The following NEDD4L variants were observed in gnomAD, a reference collection of about 807,000 sequenced individuals.
The protein encoded by NEDD4L is NEDD4 like E3 ubiquitin protein ligase, also known as E3 ubiquitin-protein ligase NEDD4-like.
NEDD4L carries 54 observed loss-of-function variants against 148.9 expected under a neutral mutation model. The observed-to-expected ratio is 0.36, with a 90% confidence interval of 0.29 to 0.45. NEDD4L has a LOEUF of 0.45. Among genes scored for constraint, NEDD4L ranks in the 20% least tolerant of loss-of-function variants. The pLI, the probability that NEDD4L is intolerant of heterozygous loss-of-function variation, is 1.00. For missense variants in NEDD4L, 856 were observed against 1,233.8 expected, an observed-to-expected ratio of 0.69 and a Z score of 4.59; for synonymous variants, 433 against 440.7, an observed-to-expected ratio of 0.98 and a Z score of 0.22.
chr18:58,345,916 G>A (rs1458188757), intron 16 of NEDD4L, among the ~76,000 whole-genome samples: 1 of 72,256 alleles, frequency 1.4e-5, no homozygotes, highest in Non-Finnish European at 2.8e-5. Context: ...AATTTTTGTT[G>A]TTTTTTGTTT....
Position 58,169,677 on chromosome 18 carries a change from A to T in NEDD4L, c.122+3816A>T, listed in dbSNP as rs114886773. 6.6e-3 allele frequency among the ~76,000 whole-genome samples: 1,001 copies of T among 152,360 alleles called. 13 individuals are homozygous for T. Among genetic ancestry groups the T allele is most frequent in the African/African-American group, 0.023 (944 of 41,594 alleles). On this transcript the variant is annotated intron_variant, in intron 2 of 30. Transcript: ENST00000400345. Reference sequence around the variant, plus strand: ...CTCAAAACGCCCACGTGGGGCGGCCACAGCTCACCCTTGTGTGCCTGTGTC... The same window carrying T: ...CTCAAAACGCCCACGTGGGGCGGCCTCAGCTCACCCTTGTGTGCCTGTGTC...
In NEDD4L at chr18:58,282,028, A is replaced by C. The variant is rs139131702; in HGVS notation, c.297+29974A>C. On this transcript the variant is annotated intron_variant, in intron 5 of 30. Transcript: ENST00000400345. Reference sequence around the variant, plus strand: ...CGACAGAGTGAGACTCCGTCTCACAAAAAAAAAAAGCAAACAAAATAACTA... The same window carrying C: ...CGACAGAGTGAGACTCCGTCTCACACAAAAAAAAAGCAAACAAAATAACTA... Among the ~76,000 whole-genome samples the C allele has an allele frequency of 1.6e-3, 244 of 149,168 alleles. 2 individuals are homozygous for C. Among genetic ancestry groups the C allele is most frequent in the African/African-American group, 5.6e-3 (228 of 40,882 alleles).
intron 1 of NEDD4L, 109 bp from the exon 2 acceptor site, chr18:58,165,679 T>A: frequency 1.2e-5 from 18 of 1,520,012 alleles, no homozygotes; most frequent in Non-Finnish European, 1.5e-5. Context: ...TGATTTGTTC[T>A]GTATCCCAAT....
rs144463485 is a variant in NEDD4L, at chr18:58,229,105, TC to T, written c.123-16319del. Among the ~76,000 whole-genome samples, 726 of 152,314 alleles carry T rather than the reference TC, an allele frequency of 4.8e-3. 4 individuals carry two copies. Among genetic ancestry groups the T allele is most frequent in the African/African-American group, 0.015 (622 of 41,568 alleles). On this transcript the variant is annotated intron_variant, in intron 2 of 30. Transcript: ENST00000400345. ...TAACCATGGAAGAGGGTGATTTTTT[TC>T]CCTTTTCCTTTGGTGTTTTTTATAG... is the stretch of plus-strand genomic sequence containing the variant.
chr18:58,147,979 G>A (rs4149592), intron 1 of NEDD4L, among the ~76,000 whole-genome samples: 48,585 of 151,782 alleles, frequency 0.32, 8,033 homozygotes, highest in African/African-American at 0.34. Context: ...CTCGGAATGG[G>A]GTTGCTGGTC....
chr18:58,311,041 A>G (rs2057637743), intron 5 of NEDD4L, among the ~76,000 whole-genome samples: 1 of 151,914 alleles, frequency 6.6e-6, no homozygotes, highest in African/African-American at 2.4e-5. Flanking sequence ...TCACTACTTA[A>G]TGATTTTGAG....
chr18:58,082,606 T>C (rs2083524307), intron 1 of NEDD4L, among the ~76,000 whole-genome samples: 1 of 151,498 alleles, frequency 6.6e-6, no homozygotes, highest in Non-Finnish European at 1.5e-5. Flanking sequence ...ACCCCGTCTC[T>C]GCTAAGAACA....
At chr18:58,262,440 G>T (rs2049528744) in intron 5 of NEDD4L, among the ~76,000 whole-genome samples, 1 of 152,188 alleles carries the variant, frequency 6.6e-6, no homozygotes, top group African/African-American at 2.4e-5. Context: ...ACCAGCCTGA[G>T]CAACATGGCG....
In NEDD4L at chr18:58,396,352, C is replaced by T. The variant is rs1408267518; in HGVS notation, c.*83C>T. ...TTTGCCTAACAGACTTTTGCAGAGG[C>T]GATGGCAGAGAGCAGCTGCAGGCAT... On this transcript the variant is annotated 3_prime_UTR_variant, in exon 31 of 31. Transcript: ENST00000400345. The T allele has an allele frequency of 1.2e-5, 11 of 921,908 alleles. No homozygotes were observed. Among genetic ancestry groups the T allele is most frequent in the Non-Finnish European group, 6.9e-6 (4 of 579,154 alleles). The allele number at this position is 921,908 out of a possible 1,614,324, so 57.1% of individuals were successfully genotyped here. A position where few individuals can be genotyped will look rare whatever the true frequency, so the allele number is the denominator to read the frequency against.
At chr18:58,255,883 C>G (rs1342807170) in intron 5 of NEDD4L, 8 of 1,232,162 alleles carry the variant, frequency 6.5e-6, no homozygotes, top group Non-Finnish European at 2.0e-6. Context: ...TGACCAGCAT[C>G]GACGCCCGCC....
At chr18:58,378,085 G>A (rs573322029) in intron 24 of NEDD4L, among the ~76,000 whole-genome samples, 1 of 152,300 alleles carries the variant, frequency 6.6e-6, no homozygotes, top group Non-Finnish European at 1.5e-5. Flanking sequence ...GTTTCAAGAG[G>A]CTGTGCAGTA....
At chr18:58,315,845 T>C in intron 5 of NEDD4L, 137 bp from the exon 6 acceptor site, 5 of 793,206 alleles carry the variant, frequency 6.3e-6, no homozygotes, top group Non-Finnish European at 9.0e-6. Flanking sequence ...TACTCGTGTC[T>C]CCTCGGGGCC....
chr18:58,214,977 A>G (rs1373379133), intron 2 of NEDD4L, among the ~76,000 whole-genome samples: 2 of 151,480 alleles, frequency 1.3e-5, no homozygotes, highest in Admixed American at 6.6e-5. Context: ...ATGCCTGGCT[A>G]ATTTTTGTAT....
intron 1 of NEDD4L, among the ~76,000 whole-genome samples, chr18:58,105,093 A>C (rs906768315): frequency 6.6e-6 from 1 of 152,176 alleles, no homozygotes; most frequent in Non-Finnish European, 1.5e-5. Flanking sequence ...TGTAACTTAT[A>C]AGGTATGGTA....
At chr18:58,168,483 G>T (rs956930452) in intron 2 of NEDD4L, among the ~76,000 whole-genome samples, 2 of 152,234 alleles carry the variant, frequency 1.3e-5, no homozygotes, top group African/African-American at 4.8e-5. Flanking sequence ...TAACTGGCAT[G>T]TGGGGAAGAA....
rs894145243 is a variant in NEDD4L at position 58,396,281 on chromosome 18, C to T, written c.*12C>T. The T allele has an allele frequency of 9.5e-6, 15 of 1,571,512 alleles. No homozygotes were observed. Among genetic ancestry groups the T allele is most frequent in the Non-Finnish European group, 1.3e-5 (15 of 1,143,736 alleles). Reference sequence around the variant, plus strand: ...AAGGGGTGGATTAAGCACCCTGTGCCTCGGGGGTGGTTGTTCTTCAAGCAA... The same window carrying T: ...AAGGGGTGGATTAAGCACCCTGTGCTTCGGGGGTGGTTGTTCTTCAAGCAA... On this transcript the variant is annotated 3_prime_UTR_variant, in exon 31 of 31. Transcript: ENST00000400345.
At chr18:58,085,185 G>T (rs896600091) in intron 1 of NEDD4L, among the ~76,000 whole-genome samples, 1 of 152,196 alleles carries the variant, frequency 6.6e-6, no homozygotes, top group Admixed American at 6.5e-5. Flanking sequence ...AATTCTGGGG[G>T]AACATGGTTC....
At chr18:58,165,428 T>A (rs2036725697) in intron 1 of NEDD4L, among the ~76,000 whole-genome samples, 1 of 152,240 alleles carries the variant, frequency 6.6e-6, no homozygotes, top group African/African-American at 2.4e-5. Flanking sequence ...ATTTGTTATA[T>A]TTATGCAAAC....
intron 2 of NEDD4L, among the ~76,000 whole-genome samples, chr18:58,174,860 T>G (rs1375727513): frequency 6.6e-6 from 1 of 152,232 alleles, no homozygotes; most frequent in Non-Finnish European, 1.5e-5. Flanking sequence ...ATTTTAAATA[T>G]TGATTTACTT....
Sources: allele counts gnomAD v4.1 joint callset (sites outside exome capture counted in the v4.1 genomes callset), GRCh38; gene constraint gnomAD v4.1.1; transcripts MANE v1.5; gene names NCBI Gene and HGNC (gene_info 2026-07-23, HGNC 2026-07-21).